SNTB1: variants seen among roughly 807,000 people sequenced by gnomAD.
The protein encoded by SNTB1 is beta-1-syntrophin.
Under a neutral mutation model 48.9 loss-of-function variants are expected in SNTB1, and 36 were observed. The ratio of observed to expected loss-of-function variants is 0.74; its 90% CI spans 0.56 to 0.97. The LOEUF (loss-of-function observed/expected upper bound fraction) is 0.97, where lower values mean the gene tolerates loss of function less well. SNTB1 is among the 50% of genes least tolerant of loss of function. The probability of loss-of-function intolerance (pLI) is 0.00; values close to 1 mark genes in which losing one functional copy is unlikely to be tolerated. For synonymous variants in SNTB1, 299 were observed against 294.6 expected (o/e 1.01, Z -0.15); for missense variants, 786 against 703.4 (o/e 1.12, Z -1.33).
intron 1 of SNTB1, among the ~76,000 whole-genome samples, chr8:120,802,852 A>G (rs761432308): frequency 6.6e-6 from 1 of 152,158 alleles, no homozygotes; most frequent in Non-Finnish European, 1.5e-5. Flanking sequence ...AAACCTACAA[A>G]GAGGAAAGTT....
chr8:120,657,366 G>A (rs974130294), intron 2 of SNTB1, among the ~76,000 whole-genome samples: 1 of 152,156 alleles, frequency 6.6e-6, no homozygotes, highest in African/African-American at 2.4e-5. Context: ...AGGATGAGAT[G>A]TAAGTTTTAT....
chr8:120,613,716 A>T (rs1284745876), intron 3 of SNTB1, among the ~76,000 whole-genome samples: 3 of 152,236 alleles, frequency 2.0e-5, no homozygotes, highest in Non-Finnish European at 2.9e-5. Flanking sequence ...TAGAATTACC[A>T]TGTATCCGGT....
At chr8:120,616,059 C>A (rs986538207) in intron 3 of SNTB1, among the ~76,000 whole-genome samples, 7 of 152,206 alleles carry the variant, frequency 4.6e-5, no homozygotes, top group Non-Finnish European at 1.0e-4. Flanking sequence ...CACCTCTTAT[C>A]ACCTTTTCCT....
intron 4 of SNTB1, among the ~76,000 whole-genome samples, chr8:120,571,719 G>C (rs1265123680): frequency 6.6e-6 from 1 of 151,730 alleles, no homozygotes; most frequent in Non-Finnish European, 1.5e-5. Context: ...GGCTGGTCTC[G>C]AACTCCTGAT....
At chr8:120,556,797 T>C (rs747515164) in intron 4 of SNTB1, among the ~76,000 whole-genome samples, 1 of 152,250 alleles carries the variant, frequency 6.6e-6, no homozygotes, top group Non-Finnish European at 1.5e-5. Flanking sequence ...TTGAGATTAA[T>C]TTGCATTGGC....
At chr8:120,637,231 A>G (rs190309910) in intron 2 of SNTB1, 33 of 345,400 alleles carry the variant, frequency 9.6e-5, no homozygotes, top group African/African-American at 6.4e-4. Flanking sequence ...GGATTCTACC[A>G]TAACAAAATA....
chr8:120,729,880 G>A (rs1483408623), intron 1 of SNTB1, among the ~76,000 whole-genome samples: 1 of 152,228 alleles, frequency 6.6e-6, no homozygotes, highest in Non-Finnish European at 1.5e-5. Flanking sequence ...TAAGGACAGA[G>A]TGTGAGTTAG....
At chr8:120,639,903 A>T (rs1817159738) in intron 2 of SNTB1, among the ~76,000 whole-genome samples, 1 of 152,086 alleles carries the variant, frequency 6.6e-6, no homozygotes, top group South Asian at 2.1e-4. Flanking sequence ...AGTTTTTTTC[A>T]ATTCTGTGAA....
chr8:120,795,351 C>G (rs748837962), intron 1 of SNTB1, among the ~76,000 whole-genome samples: 6 of 151,966 alleles, frequency 3.9e-5, no homozygotes, highest in Admixed American at 6.6e-5. Context: ...TTTAGTGGTG[C>G]TGTATGTACC....
chr8:120,785,929 A>T (rs373205052), intron 1 of SNTB1, among the ~76,000 whole-genome samples: 1 of 152,234 alleles, frequency 6.6e-6, no homozygotes, highest in Non-Finnish European at 1.5e-5. Flanking sequence ...GCTAACCAGG[A>T]GGTCTTGAGT....
chr8:120,555,885 CAGAA>C (rs1213367485), intron 4 of SNTB1, among the ~76,000 whole-genome samples: 1 of 152,116 alleles, frequency 6.6e-6, no homozygotes, highest in African/African-American at 2.4e-5. Flanking sequence ...CGTGAGGACA[CAGAA>C]AGAGGGCAGC....
chr8:120,626,232 G>C (rs1816880793), intron 3 of SNTB1, among the ~76,000 whole-genome samples: 1 of 152,072 alleles, frequency 6.6e-6, no homozygotes, highest in African/African-American at 2.4e-5. Context: ...TAGAGAGAGA[G>C]AGATCAATAT....
chr8:120,698,627 T>C (rs1818250581), intron 1 of SNTB1, among the ~76,000 whole-genome samples: 1 of 152,124 alleles, frequency 6.6e-6, no homozygotes, highest in South Asian at 2.1e-4. Flanking sequence ...AATAAAATGG[T>C]CAAGATGGTC....
intron 3 of SNTB1, among the ~76,000 whole-genome samples, chr8:120,609,616 A>C (rs1360792583): frequency 6.6e-6 from 1 of 152,268 alleles, no homozygotes; most frequent in Non-Finnish European, 1.5e-5. Flanking sequence ...TTGTAATCAC[A>C]TTGAAAAAAC....
chr8:120,738,528 C>T (rs886365757), intron 1 of SNTB1, among the ~76,000 whole-genome samples: 1 of 148,844 alleles, frequency 6.7e-6, no homozygotes, highest in Non-Finnish European at 1.5e-5. Context: ...TACCTACCTA[C>T]CTCCCTTCCT....
At chr8:120,705,334 C>A (rs560497124) in intron 1 of SNTB1, among the ~76,000 whole-genome samples, 1 of 152,280 alleles carries the variant, frequency 6.6e-6, no homozygotes, top group South Asian at 2.1e-4. Context: ...AAGTAAAAAT[C>A]TACAAGAAAC....
intron 1 of SNTB1, among the ~76,000 whole-genome samples, chr8:120,764,335 G>T (rs1587142578): frequency 6.6e-6 from 1 of 152,134 alleles, no homozygotes; most frequent in African/African-American, 2.4e-5. Flanking sequence ...TATTCCATGT[G>T]CAGAGAAGTA....
chr8:120,685,324 C>T lies in SNTB1; in HGVS notation c.788+8368G>A, dbSNP rs527913184. On this transcript the variant is annotated intron_variant, in intron 2 of 6. Transcript: ENST00000517992. ...CCCACCTCTGTTCTCTTTCTGGGCCCCAAGGCCCCACACGGCGTCCTTTGA... is the reference window on the plus strand; with the variant it reads ...CCCACCTCTGTTCTCTTTCTGGGCCTCAAGGCCCCACACGGCGTCCTTTGA... Among the ~76,000 whole-genome samples, 40 of 152,292 alleles carry T rather than the reference C, an allele frequency of 2.6e-4. No individual in the cohort carries two copies. The East Asian group carries it at 7.1e-3, about 27-fold the overall frequency.
chr8:120,664,305 G>A (rs1444991763), intron 2 of SNTB1, among the ~76,000 whole-genome samples: 1 of 152,174 alleles, frequency 6.6e-6, no homozygotes, highest in Non-Finnish European at 1.5e-5. Context: ...TGAAAGCTGA[G>A]GATGTTCAGG....
Sources: allele counts gnomAD v4.1 joint callset (sites outside exome capture counted in the v4.1 genomes callset), GRCh38; gene constraint gnomAD v4.1.1; transcripts MANE v1.5; gene names NCBI Gene and HGNC (gene_info 2026-07-23, HGNC 2026-07-21).